Variants in EP400 observed in about 807,000 individuals in gnomAD.
EP400 encodes the protein E1A-binding protein p400.
Under a neutral mutation model 354.1 loss-of-function variants are expected in EP400, and 105 were observed. That is an observed-to-expected ratio of 0.30 (90% CI 0.25 to 0.35). EP400 has a LOEUF of 0.35. Among genes scored for constraint, EP400 ranks in the 10% least tolerant of loss-of-function variants. The probability of loss-of-function intolerance (pLI) is 1.00; values close to 1 mark genes in which losing one functional copy is unlikely to be tolerated. For synonymous variants in EP400, 1,646 were observed against 1,716.9 expected (o/e 0.96, Z 1.02); for missense variants, 3,280 against 4,121.0 (o/e 0.80, Z 5.59).
chr12:132,020,290 C>G, intron 22 of EP400, 72 bp downstream of exon 22: 40 of 1,473,926 alleles, frequency 2.7e-5, no homozygotes, highest in Non-Finnish European at 3.4e-5. Flanking sequence ...GCACTTTCTT[C>G]TCGCGCCTCT....
At chr12:132,055,911 C>T (rs117369503) in intron 45 of EP400, among the ~76,000 whole-genome samples, 1 of 151,928 alleles carries the variant, frequency 6.6e-6, no homozygotes, top group East Asian at 1.9e-4. Flanking sequence ...TGACAGCCCT[C>T]TTGGGGGCGT....
intron 51 of EP400, among the ~76,000 whole-genome samples, chr12:132,071,640 C>CCGT (rs1490343500): frequency 3.9e-5 from 6 of 152,150 alleles, no homozygotes; most frequent in Non-Finnish European, 5.9e-5. Flanking sequence ...TTTTTGCCAT[C>CCGT]CGTCCCCCAG....
chr12:132,060,247 CA>C (rs1895648036), intron 45 of EP400, among the ~76,000 whole-genome samples: 1 of 152,004 alleles, frequency 6.6e-6, no homozygotes, highest in Admixed American at 6.5e-5. Context: ...ATCCTACACA[CA>C]ACATGGGATG....
At chr12:132,014,133 C>G (rs1313510504) in intron 19 of EP400, among the ~76,000 whole-genome samples, 1 of 152,220 alleles carries the variant, frequency 6.6e-6, no homozygotes, top group Non-Finnish European at 1.5e-5. Context: ...TCTCAGAAGC[C>G]CCACTCCTGT....
chr12:132,003,706 G>C (rs1389205240), intron 12 of EP400, among the ~76,000 whole-genome samples: 2 of 152,186 alleles, frequency 1.3e-5, no homozygotes, highest in Non-Finnish European at 2.9e-5. Context: ...GCATCAGACA[G>C]ACAGGAAAGG....
chr12:132,043,111 C>G (rs572325439), intron 32 of EP400, among the ~76,000 whole-genome samples, 193 bp from the exon 33 acceptor site: 1 of 152,362 alleles, frequency 6.6e-6, no homozygotes, highest in East Asian at 1.9e-4. Flanking sequence ...GTTTCCCACT[C>G]ATTTTCTGTA....
Position 131,979,722 on chromosome 12 carries a change from C to T in EP400, c.1364C>T (p.Ala455Val), listed in dbSNP as rs1892614164. The part of the protein sequence containing the change: ...EQQALAGSLV[A>V]GAGSTVETDL... ...CAAGCCCTCGCAGGGAGCCTGGTAG[C>T]AGGGGCCGGAAGCACAGTAGAGACG... The change falls in exon 3 of 53, where the codon GCA becomes GTA. Residue 455 changes from alanine (A) to valine (V), a missense_variant. Ala to Val is a moderately conservative substitution (Grantham distance 64, BLOSUM62 0). Around this residue, in one of 20 missense-constraint regions of EP400, gnomAD observed 800 missense variants for 840.0 expected, o/e 0.95. Transcript: ENST00000389561. 6.2e-7 allele frequency: 1 copy of T among 1,608,640 alleles called. No individual in the cohort carries two copies. Among genetic ancestry groups the T allele is most frequent in the South Asian group, 1.1e-5 (1 of 90,470 alleles).
At chr12:131,999,521 C>T (rs1342463038) in intron 12 of EP400, among the ~76,000 whole-genome samples, 1 of 152,148 alleles carries the variant, frequency 6.6e-6, no homozygotes, top group Admixed American at 6.5e-5. Context: ...TCACTGCAAC[C>T]TCCGCCTCCT....
intron 46 of EP400, 41 bp downstream of exon 46, chr12:132,062,364 C>T (rs775483239): frequency 3.9e-5 from 63 of 1,611,768 alleles, no homozygotes; most frequent in Non-Finnish European, 4.2e-5. Flanking sequence ...CACGTCTGCT[C>T]TGGCGCGTGT....
chr12:131,982,242 G>C lies in EP400; in HGVS notation c.1693G>C (p.Gly565Arg). 1 of 1,614,080 alleles carries C rather than the reference G, an allele frequency of 6.2e-7. No homozygotes were observed. Among genetic ancestry groups the C allele is most frequent in the Non-Finnish European group, 8.5e-7 (1 of 1,180,002 alleles). Reference protein sequence around the residue: ...PQLPGRLPPAGVPTAALSSAL... With the variant: ...PQLPGRLPPARVPTAALSSAL... Reference sequence around the variant, plus strand: ...GCTGCCCGGGAGGCTGCCCCCAGCCGGTGTTCCCACTGCAGCCCTCTCCTC... The same window carrying C: ...GCTGCCCGGGAGGCTGCCCCCAGCCCGTGTTCCCACTGCAGCCCTCTCCTC... The change falls in exon 5 of 53, where the codon GGT (glycine) becomes CGT (arginine). Residue 565 changes from glycine (G) to arginine (R), a missense_variant. Transcript: ENST00000389561.
intron 2 of EP400, 69 bp from the exon 3 acceptor site, chr12:131,979,625 G>A (rs1892610612): frequency 7.2e-7 from 1 of 1,391,234 alleles, no homozygotes; most frequent in South Asian, 1.4e-5. Flanking sequence ...GGATAATTAT[G>A]ATAATTTGAG....
chr12:131,954,562 TA>T (rs1290336626), intron 1 of EP400, among the ~76,000 whole-genome samples: 1 of 151,692 alleles, frequency 6.6e-6, no homozygotes, highest in Non-Finnish European at 1.5e-5. Flanking sequence ...CTGTCTCTAT[TA>T]AAAATACAAA....
intron 47 of EP400, among the ~76,000 whole-genome samples, chr12:132,064,225 TC>T (rs1895811472): frequency 6.6e-6 from 1 of 152,190 alleles, no homozygotes; most frequent in African/African-American, 2.4e-5. Flanking sequence ...CCTGTCTCCT[TC>T]GTTCCTCACT....
intron 51 of EP400, among the ~76,000 whole-genome samples, chr12:132,074,194 G>A (rs1261531703): frequency 6.6e-6 from 1 of 152,058 alleles, no homozygotes; most frequent in East Asian, 1.9e-4. Context: ...CAAAGTGCTG[G>A]GATTACAGGC....
Position 132,028,360 on chromosome 12 carries a change from C to A in EP400, c.5381+72C>A, listed in dbSNP as rs1382554977. 3.9e-6 allele frequency: 6 copies of A among 1,555,588 alleles called. No individual in the cohort carries two copies. The East Asian group carries it at 1.4e-4, about 35-fold the overall frequency. On this transcript the variant is annotated intron_variant, in intron 27 of 52. Coordinates refer to ENST00000389561, the MANE Select transcript of EP400 (RefSeq NM_015409.5). ...ACCCCGGCAAGACCCCTTCTTGTCT[C>A]GTGGATGTACATCTTACTCCCATCG...
At position 132,028,420 on chromosome 12, in the gene EP400, T is replaced by G. The variant is rs938724981; in HGVS notation, c.5381+132T>G. 5.1e-6 allele frequency: 6 copies of G among 1,183,854 alleles called. No homozygotes were observed. In the African/African-American group the frequency reaches 7.6e-5, roughly 15 times the overall value. 73.3% of individuals were successfully genotyped at this position (1,183,854 alleles called of 1,614,324 possible). ...CACGCTGTCCCTTAGCGGTCTGTTT[T>G]GAAGTTAGTCTTTGAGGTCTTCAGC... is the stretch of plus-strand genomic sequence containing the variant. On this transcript the variant is annotated intron_variant, in intron 27 of 52. Coordinates refer to ENST00000389561, the MANE Select transcript of EP400 (RefSeq NM_015409.5).
intron 37 of EP400, 79 bp downstream of exon 37, chr12:132,045,032 TCTGCCTGTCTG>T: frequency 7.5e-7 from 1 of 1,333,088 alleles, no homozygotes; most frequent in Non-Finnish European, 1.0e-6. Context: ...CTTTCTGCTG[TCTGCCTGTCTG>T]CTGTCTGCCT....
chr12:132,028,501 G>T (rs188330579), intron 27 of EP400, among the ~76,000 whole-genome samples: 255 of 152,326 alleles, frequency 1.7e-3, no homozygotes, highest in African/African-American at 5.8e-3. Flanking sequence ...GGCTTCTGAA[G>T]GAAGTTGGCA....
At chr12:131,978,926 C>G (rs924479424) in intron 2 of EP400, among the ~76,000 whole-genome samples, 1 of 152,036 alleles carries the variant, frequency 6.6e-6, no homozygotes, top group African/African-American at 2.4e-5. Flanking sequence ...CCTTTTAAAG[C>G]TCTAAGTTGG....
Sources: gnomAD v4.1 joint callset for allele counts (sites outside exome capture counted in the v4.1 genomes callset) on GRCh38, gnomAD v4.1.1 for gene constraint, gnomAD v4.1.1 regional missense constraint, MANE v1.5 for transcripts, NCBI Gene and HGNC (gene_info 2026-07-23, HGNC 2026-07-21) for gene names.